Variants in NGEF observed in about 807,000 individuals in gnomAD.
NGEF encodes the protein ephexin-1.
NGEF carries 31 observed loss-of-function variants against 80.9 expected under a neutral mutation model. The ratio of observed to expected loss-of-function variants is 0.38; its 90% CI spans 0.29 to 0.52. NGEF has a LOEUF of 0.52. Among genes scored for constraint, NGEF ranks in the 20% least tolerant of loss-of-function variants. The probability of loss-of-function intolerance (pLI) is 0.84; values close to 1 mark genes in which losing one functional copy is unlikely to be tolerated. For missense variants in NGEF, 709 were observed against 926.2 expected (o/e 0.77, Z 3.04); for synonymous variants, 371 against 370.2 (o/e 1.00, Z -0.03).
At chr2:232,885,204 G>A (rs80050391) in intron 10 of NGEF, 76 bp downstream of exon 10, 146,820 of 1,342,864 alleles carry the variant, frequency 0.11, 9,688 homozygotes, top group South Asian at 0.26. Flanking sequence ...CCAGCCAGGC[G>A]CGGTGATCTG....
chr2:232,896,320 A>C (rs1444797514), intron 5 of NGEF, among the ~76,000 whole-genome samples: 1 of 152,122 alleles, frequency 6.6e-6, no homozygotes, highest in Non-Finnish European at 1.5e-5. Flanking sequence ...CACACAGAGA[A>C]GGCACAGACA....
chr2:232,896,329 C>A (rs924938566), intron 5 of NGEF, among the ~76,000 whole-genome samples: 2 of 152,192 alleles, frequency 1.3e-5, no homozygotes, highest in Middle Eastern at 3.4e-3. Flanking sequence ...AAGGCACAGA[C>A]AGAGATGGGA....
At chr2:232,888,327 CCATGCACAT>C (rs1226548424) in intron 8 of NGEF, among the ~76,000 whole-genome samples, 2 of 151,820 alleles carry the variant, frequency 1.3e-5, no homozygotes, top group Non-Finnish European at 2.9e-5. Flanking sequence ...CACATGCACA[CCATGCACAT>C]GATGCACACC....
intron 3 of NGEF, among the ~76,000 whole-genome samples, chr2:232,942,730 C>T (rs1003014420): frequency 2.0e-5 from 3 of 149,824 alleles, no homozygotes; most frequent in South Asian, 2.1e-4. Context: ...CAAAAATTAG[C>T]GCGTGGAGGC....
chr2:232,985,700 C>A (rs1694519183), intron 1 of NGEF, among the ~76,000 whole-genome samples: 1 of 152,112 alleles, frequency 6.6e-6, no homozygotes, highest in South Asian at 2.1e-4. Flanking sequence ...TTGCAGTGAG[C>A]AGAGATTGTG....
chr2:232,964,240 A>T (rs1694012509), intron 3 of NGEF, among the ~76,000 whole-genome samples: 1 of 152,222 alleles, frequency 6.6e-6, no homozygotes, highest in Non-Finnish European at 1.5e-5. Context: ...ACTCCTGGGT[A>T]TACACCCCAG....
chr2:232,930,931 A>G (rs1236809625), intron 3 of NGEF, among the ~76,000 whole-genome samples: 2 of 152,220 alleles, frequency 1.3e-5, no homozygotes, highest in South Asian at 2.1e-4. Flanking sequence ...GTCTCATCTA[A>G]ATATCATCTC....
Position 232,892,968 on chromosome 2 carries a change from C to A in NGEF, c.1072G>T (p.Asp358Tyr). 1 of 1,613,598 alleles carries A rather than the reference C, an allele frequency of 6.2e-7. No individual in the cohort carries two copies. The highest frequency in any genetic ancestry group is 1.1e-5 in the South Asian group (1 of 91,072). ...TAGGTGATGTAGACAGAGAAGTGGT[C>A]GGCCGCATAACGGTACACAATGTCA... Reference protein sequence around the residue: ...VCDIVYRYAADHFSVYITYVS... With the variant: ...VCDIVYRYAAYHFSVYITYVS... The change falls in exon 7 of 15, where the codon GAC becomes TAC. Residue 358 changes from aspartate (D) to tyrosine (Y), a missense_variant. Around this residue, in one of 2 missense-constraint regions of NGEF, gnomAD observed 426 missense variants for 622.9 expected, o/e 0.68. Transcript: ENST00000264051. The surrounding 1 kb of genome is among the most constrained non-coding windows in gnomAD (Gnocchi z 4.0).
chr2:232,883,552 G>T, intron 11 of NGEF, 86 bp from the exon 12 acceptor site: 1 of 1,327,316 alleles, frequency 7.5e-7, no homozygotes, highest in Non-Finnish European at 1.0e-6. Context: ...AGGCCAACAA[G>T]CCTGGCTCCA....
intron 6 of NGEF, among the ~76,000 whole-genome samples, chr2:232,893,539 C>T (rs1017607513): frequency 2.0e-5 from 3 of 152,196 alleles, no homozygotes; most frequent in African/African-American, 4.8e-5. Flanking sequence ...TTTGGGAGGC[C>T]GAGGCGGGCG....
At chr2:232,976,460 G>A (rs1415856113) in intron 1 of NGEF, among the ~76,000 whole-genome samples, 1 of 152,174 alleles carries the variant, frequency 6.6e-6, no homozygotes, top group Non-Finnish European at 1.5e-5. Flanking sequence ...TGGCAGAATA[G>A]TCAGGAGGTT....
At chr2:232,969,049 G>T (rs78664189) in intron 3 of NGEF, among the ~76,000 whole-genome samples, 1 of 152,154 alleles carries the variant, frequency 6.6e-6, no homozygotes, top group African/African-American at 2.4e-5. Flanking sequence ...GATCTCTGCC[G>T]TGTTAAGCTG....
At chr2:232,986,834 C>T (rs1049313304) in intron 1 of NGEF, among the ~76,000 whole-genome samples, 1 of 152,136 alleles carries the variant, frequency 6.6e-6, no homozygotes, top group African/African-American at 2.4e-5. Flanking sequence ...AATCACTACA[C>T]GATGTATATA....
intron 4 of NGEF, among the ~76,000 whole-genome samples, chr2:232,923,416 G>A (rs1559210177): frequency 6.6e-6 from 1 of 152,140 alleles, no homozygotes; most frequent in Non-Finnish European, 1.5e-5. Flanking sequence ...TATGCTCAGA[G>A]AAGTGAGTGA....
At chr2:232,899,769 C>G (rs1575001119) in intron 5 of NGEF, among the ~76,000 whole-genome samples, 2 of 147,504 alleles carry the variant, frequency 1.4e-5, no homozygotes, top group Middle Eastern at 3.5e-3. Context: ...CTCACAGTCA[C>G]TCATATACAC....
At chr2:232,886,094 T>C (rs1691673128) in intron 9 of NGEF, among the ~76,000 whole-genome samples, 1 of 79,200 alleles carries the variant, frequency 1.3e-5, no homozygotes, top group African/African-American at 5.1e-5. Context: ...GTGTGTGTGC[T>C]GTGTGTGCCA....
At chr2:232,908,428 T>C (rs1055296596) in intron 5 of NGEF, among the ~76,000 whole-genome samples, 12 of 152,304 alleles carry the variant, frequency 7.9e-5, no homozygotes, top group African/African-American at 2.6e-4. Flanking sequence ...GTTTTAAATA[T>C]ATATATTTAA....
At chr2:233,008,154 A>G (rs1257820491) in intron 1 of NGEF, among the ~76,000 whole-genome samples, 1 of 152,158 alleles carries the variant, frequency 6.6e-6, no homozygotes, top group Non-Finnish European at 1.5e-5. Flanking sequence ...TTTTCACCCC[A>G]TTGGTGGGAT....
chr2:232,945,177 A>T (rs1342011931), intron 3 of NGEF, among the ~76,000 whole-genome samples: 1 of 152,200 alleles, frequency 6.6e-6, no homozygotes, highest in Non-Finnish European at 1.5e-5. Context: ...TGATTATAAC[A>T]TTGATAACAT....
Sources: allele counts gnomAD v4.1 joint callset (sites outside exome capture counted in the v4.1 genomes callset), GRCh38; gene constraint gnomAD v4.1.1; regional missense constraint gnomAD v4.1.1; non-coding constraint Gnocchi (gnomAD v3.1); transcripts MANE v1.5; gene names NCBI Gene and HGNC (gene_info 2026-07-23, HGNC 2026-07-21).